Variants in CATSPERT observed in about 807,000 individuals in gnomAD.
CATSPERT encodes cation channel sperm-associated targeting subunit tau.
chr2:201,548,203 C>T, the CATSPERT span, among the ~76,000 whole-genome samples: 1 of 152,080 alleles, frequency 6.6e-6, no homozygotes, highest in Admixed American at 6.6e-5. Context: ...CTCCCCCAAA[C>T]AATATACATT....
At chr2:201,578,798 C>A in the CATSPERT span, among the ~76,000 whole-genome samples, 1 of 152,104 alleles carries the variant, frequency 6.6e-6, no homozygotes, top group East Asian at 1.9e-4. Context: ...TTTTCTTCAA[C>A]AAAAATTAAC....
chr2:201,602,242 A>G, the CATSPERT span, among the ~76,000 whole-genome samples: 1 of 152,166 alleles, frequency 6.6e-6, no homozygotes, highest in Non-Finnish European at 1.5e-5. Flanking sequence ...AAAATATATC[A>G]GATTAACCTA....
At chr2:201,536,394 G>A in the CATSPERT span, 1 of 1,486,094 alleles carries the variant, frequency 6.7e-7, no homozygotes, top group Non-Finnish European at 9.0e-7. Context: ...TTAAGAAAAT[G>A]ACTCAAAATC....
chr2:201,609,007 G>C, the CATSPERT span, among the ~76,000 whole-genome samples: 22 of 152,004 alleles, frequency 1.4e-4, no homozygotes, highest in East Asian at 3.9e-3. Flanking sequence ...TCCAAGAATA[G>C]CTATGCCAGG....
chr2:201,609,381 G>A, the CATSPERT span, among the ~76,000 whole-genome samples: 12 of 152,230 alleles, frequency 7.9e-5, no homozygotes, highest in East Asian at 1.7e-3. Flanking sequence ...AACAGCTACC[G>A]AATACATACT....
chr2:201,610,174 G>C, the CATSPERT span, among the ~76,000 whole-genome samples: 1 of 152,172 alleles, frequency 6.6e-6, no homozygotes, highest in South Asian at 2.1e-4. Flanking sequence ...ATGTCTCTCA[G>C]CTAGGCACGG....
chr2:201,571,888 T>C, the CATSPERT span: 23 of 1,515,016 alleles, frequency 1.5e-5, no homozygotes, highest in East Asian at 6.8e-5. Context: ...TGGATTAAAA[T>C]TGTTTTAAGT....
chr2:201,616,818 C>T, the CATSPERT span, among the ~76,000 whole-genome samples: 3 of 152,234 alleles, frequency 2.0e-5, no homozygotes, highest in Non-Finnish European at 4.4e-5. Flanking sequence ...TCCATCGCCT[C>T]AGCCCAAAAT....
At chr2:201,537,798 A>G in the CATSPERT span, among the ~76,000 whole-genome samples, 1 of 152,020 alleles carries the variant, frequency 6.6e-6, no homozygotes, top group African/African-American at 2.4e-5. Flanking sequence ...AGAAGAGACT[A>G]GAATAAAGGC....
At chr2:201,491,602 G>A in the CATSPERT span, 1 of 1,536,944 alleles carries the variant, frequency 6.5e-7, no homozygotes, top group African/African-American at 1.4e-5. Flanking sequence ...ATTGAAATGA[G>A]TTAAAGTGCT....
chr2:201,587,511 C>G, the CATSPERT span, among the ~76,000 whole-genome samples: 1 of 152,118 alleles, frequency 6.6e-6, no homozygotes, highest in Non-Finnish European at 1.5e-5. Context: ...TTCTCTTGTC[C>G]TCCGATTTAC....
the CATSPERT span, chr2:201,618,976 G>A: frequency 6.2e-7 from 1 of 1,614,036 alleles, no homozygotes; most frequent in Non-Finnish European, 8.5e-7. Flanking sequence ...CAGGGCGTAA[G>A]GGACCGAAGA....
At chr2:201,545,219 A>T in the CATSPERT span, among the ~76,000 whole-genome samples, 7 of 151,636 alleles carry the variant, frequency 4.6e-5, no homozygotes, top group Non-Finnish European at 8.8e-5. Flanking sequence ...TTGTATTTTT[A>T]GTAGAGACAG....
chr2:201,571,909 C>T, the CATSPERT span: 1 of 1,585,624 alleles, frequency 6.3e-7, no homozygotes, highest in East Asian at 2.2e-5. Flanking sequence ...GCCACATGAT[C>T]TGACCATATT....
chr2:201,534,085 T>TATCA, the CATSPERT span, among the ~76,000 whole-genome samples: 1 of 137,590 alleles, frequency 7.3e-6, no homozygotes. Flanking sequence ...TCTATCTATC[T>TATCA]ATCAAATCTG....
At chr2:201,556,893 T>C in the CATSPERT span, 2 of 151,722 alleles carry the variant, frequency 1.3e-5, no homozygotes, top group African/African-American at 4.8e-5. Flanking sequence ...AAAAGTAATA[T>C]GTTTATTCTC....
the CATSPERT span, among the ~76,000 whole-genome samples, chr2:201,573,230 A>G: frequency 6.6e-6 from 1 of 152,224 alleles, no homozygotes; most frequent in Non-Finnish European, 1.5e-5. Flanking sequence ...GATATAAGTT[A>G]GTACATAAAA....
At chr2:201,594,600 T>G in the CATSPERT span, among the ~76,000 whole-genome samples, 2 of 152,160 alleles carry the variant, frequency 1.3e-5, no homozygotes, top group East Asian at 3.9e-4. Context: ...ATTCTCCCCG[T>G]CACTTTCAGG....
At chr2:201,491,572 G>C in the CATSPERT span, 2 of 1,536,812 alleles carry the variant, frequency 1.3e-6, no homozygotes, top group African/African-American at 1.4e-5. Flanking sequence ...TTCTAATTTT[G>C]ATTTTTCCCC....
Sources: allele counts gnomAD v4.1 joint callset (sites outside exome capture counted in the v4.1 genomes callset), GRCh38; gene constraint gnomAD v4.1.1; transcripts MANE v1.5; gene names NCBI Gene and HGNC (gene_info 2026-07-23, HGNC 2026-07-21).